The following DLG2 variants were observed in gnomAD, a reference collection of about 807,000 sequenced individuals.
The protein encoded by DLG2 is disks large homolog 2.
DLG2 carries 45 observed loss-of-function variants against 132.5 expected under a neutral mutation model. The observed-to-expected ratio is 0.34, with a 90% CI of 0.27 to 0.44. The LOEUF is 0.44. Among genes scored for constraint, DLG2 ranks in the 20% least tolerant of loss-of-function variants. DLG2 has a pLI of 1.00. For missense variants in DLG2, 1,045 were observed against 1,196.9 expected (o/e 0.87, Z 1.87); for synonymous variants, 424 against 419.6 (o/e 1.01, Z -0.13).
chr11:84,896,939 CA>C (rs1467728538), intron 6 of DLG2, among the ~76,000 whole-genome samples: 2 of 151,388 alleles, frequency 1.3e-5, no homozygotes, highest in African/African-American at 4.8e-5. Context: ...GGGTTTTGAG[CA>C]TATCCCCTGT....
chr11:84,593,300 A>T (rs1221102221), intron 6 of DLG2, among the ~76,000 whole-genome samples: 1 of 152,130 alleles, frequency 6.6e-6, no homozygotes, highest in East Asian at 1.9e-4. Context: ...CTGGATATAT[A>T]CCCAAAGGAT....
intron 10 of DLG2, among the ~76,000 whole-genome samples, chr11:84,064,029 A>G (rs10898195): frequency 0.81 from 122,112 of 150,998 alleles, 50,231 homozygotes; most frequent in Middle Eastern, 0.91. Context: ...GAGTTAATGC[A>G]TACAGCACAC....
At chr11:84,205,333 A>C (rs1434806299) in intron 8 of DLG2, among the ~76,000 whole-genome samples, 1 of 152,180 alleles carries the variant, frequency 6.6e-6, no homozygotes, top group African/African-American at 2.4e-5. Flanking sequence ...TTGAGTGAAC[A>C]AGTAAATAAA....
intron 18 of DLG2, among the ~76,000 whole-genome samples, chr11:83,727,532 G>C (rs1028978603): frequency 6.6e-6 from 1 of 152,130 alleles, no homozygotes; most frequent in African/African-American, 2.4e-5. Context: ...ATTATTACTT[G>C]GCTCCCCTTT....
chr11:83,619,106 C>T (rs1412995289), intron 19 of DLG2, among the ~76,000 whole-genome samples: 1 of 152,162 alleles, frequency 6.6e-6, no homozygotes, highest in African/African-American at 2.4e-5. Flanking sequence ...ATCCTGCAAT[C>T]GTCTTATCCT....
chr11:85,222,570 G>C (rs1199193593), intron 4 of DLG2, among the ~76,000 whole-genome samples: 1 of 152,124 alleles, frequency 6.6e-6, no homozygotes, highest in Admixed American at 6.5e-5. Flanking sequence ...TAGTATTTTA[G>C]ATAAGGAAAG....
At chr11:85,378,699 T>A (rs896754269) in intron 3 of DLG2, among the ~76,000 whole-genome samples, 15 of 152,222 alleles carry the variant, frequency 9.9e-5, no homozygotes, top group African/African-American at 3.6e-4. Flanking sequence ...AGACAACACC[T>A]CCTAAATTCC....
chr11:83,487,775 T>C (rs1388774412), intron 21 of DLG2, among the ~76,000 whole-genome samples: 1 of 152,058 alleles, frequency 6.6e-6, no homozygotes. Context: ...TTTTGGACTT[T>C]CTTCAATTTT....
chr11:84,118,860 T>C (rs180856249), intron 9 of DLG2, among the ~76,000 whole-genome samples: 34 of 152,336 alleles, frequency 2.2e-4, no homozygotes, highest in African/African-American at 8.2e-4. Flanking sequence ...TCACAAAAAA[T>C]GTTGTTCTAT....
chr11:84,861,161 A>G (rs866865493), intron 6 of DLG2, among the ~76,000 whole-genome samples: 1 of 152,172 alleles, frequency 6.6e-6, no homozygotes, highest in South Asian at 2.1e-4. Flanking sequence ...CTTGAGGGTC[A>G]GGGAACAATT....
intron 6 of DLG2, among the ~76,000 whole-genome samples, chr11:84,861,717 G>A (rs543234720): frequency 1.4e-5 from 2 of 146,282 alleles, no homozygotes; most frequent in Admixed American, 1.4e-4. Context: ...ATCTGACAAA[G>A]GGCTAATATC....
intron 6 of DLG2, among the ~76,000 whole-genome samples, chr11:84,739,315 T>C (rs2064277325): frequency 6.6e-6 from 1 of 152,210 alleles, no homozygotes; most frequent in Non-Finnish European, 1.5e-5. Flanking sequence ...ATAGAGTTTA[T>C]TTTTTTAATC....
intron 16 of DLG2, among the ~76,000 whole-genome samples, chr11:83,839,916 G>C (rs1356466846): frequency 6.6e-6 from 1 of 151,984 alleles, no homozygotes; most frequent in African/African-American, 2.4e-5. Flanking sequence ...TTGACTTTTA[G>C]GATAAACTCC....
intron 8 of DLG2, among the ~76,000 whole-genome samples, chr11:84,229,907 T>C (rs111496763): frequency 8.5e-4 from 129 of 152,290 alleles, no homozygotes; most frequent in African/African-American, 3.0e-3. Flanking sequence ...TAAATATAAA[T>C]GATTTTTATG....
intron 6 of DLG2, among the ~76,000 whole-genome samples, chr11:84,896,805 T>C (rs931575105): frequency 3.3e-5 from 5 of 151,972 alleles, no homozygotes; most frequent in Admixed American, 3.3e-4. Context: ...TTATTAATAA[T>C]TGTTCATCTC....
At chr11:84,315,332 C>T (rs78635205) in intron 7 of DLG2, among the ~76,000 whole-genome samples, 2,986 of 152,070 alleles carry the variant, frequency 0.02, 53 homozygotes, top group East Asian at 0.064. Context: ...TTACCATTTA[C>T]GAAATAAAAA....
At position 84,269,197 on chromosome 11, in the gene DLG2, T is replaced by A. The variant is rs201708951; in HGVS notation, c.520-17906A>T. Among the ~76,000 whole-genome samples, 18 of 152,296 alleles carry A rather than the reference T, an allele frequency of 1.2e-4. No individual in the cohort carries two copies. In the East Asian group the frequency reaches 3.3e-3, roughly 28 times the overall value. ...TGTGTAACTGTTTATTTAATGTCTG[T>A]CCCCACCACTAGAAGGTAAATACCC... is the stretch of plus-strand genomic sequence containing the variant. On this transcript the variant is annotated intron_variant, in intron 7 of 27. Coordinates refer to ENST00000376104, the MANE Select transcript of DLG2 (RefSeq NM_001142699.3).
At chr11:83,905,591 G>T (rs769981674) in intron 15 of DLG2, among the ~76,000 whole-genome samples, 2 of 152,180 alleles carry the variant, frequency 1.3e-5, no homozygotes, top group African/African-American at 2.4e-5. Context: ...GATAAGAAGT[G>T]TAGTGAATAA....
At chr11:84,618,807 C>T (rs2099608973) in intron 6 of DLG2, among the ~76,000 whole-genome samples, 1 of 151,938 alleles carries the variant, frequency 6.6e-6, no homozygotes, top group Admixed American at 6.6e-5. Flanking sequence ...AGTGTAGAAA[C>T]AACAGATGTA....
Sources: gnomAD v4.1 joint callset for allele counts (sites outside exome capture counted in the v4.1 genomes callset) on GRCh38, gnomAD v4.1.1 for gene constraint, MANE v1.5 for transcripts, NCBI Gene and HGNC (gene_info 2026-07-23, HGNC 2026-07-21) for gene names.